The following LAMB3 variants were observed in gnomAD, a reference collection of about 807,000 sequenced individuals.
The protein encoded by LAMB3 is laminin subunit beta 3.
Under a neutral mutation model 140.3 loss-of-function variants are expected in LAMB3, and 104 were observed. That is an observed-to-expected ratio of 0.74 (90% confidence interval 0.63 to 0.87). The LOEUF is 0.87. Among genes scored for constraint, LAMB3 ranks in the 40% least tolerant of loss-of-function variants. The probability of loss-of-function intolerance (pLI) is 0.00; values close to 1 mark genes in which losing one functional copy is unlikely to be tolerated. For missense variants in LAMB3, 1,531 were observed against 1,575.2 expected (o/e 0.97, Z 0.47); for synonymous variants, 592 against 602.9 (o/e 0.98, Z 0.26).
intron 21 of LAMB3, among the ~76,000 whole-genome samples, chr1:209,616,920 C>G (rs1041300003): frequency 6.6e-6 from 1 of 152,216 alleles, no homozygotes; most frequent in Non-Finnish European, 1.5e-5. Flanking sequence ...TACTTAGCAA[C>G]TTGGTCACTG....
At chr1:209,646,760 G>C (rs549296307) in intron 3 of LAMB3, among the ~76,000 whole-genome samples, 2 of 152,248 alleles carry the variant, frequency 1.3e-5, no homozygotes, top group Non-Finnish European at 2.9e-5. Flanking sequence ...GGATAGAACA[G>C]TTTGCATCTG....
intron 3 of LAMB3, among the ~76,000 whole-genome samples, chr1:209,643,951 C>T (rs560191615): frequency 1.3e-5 from 2 of 152,320 alleles, no homozygotes; most frequent in Non-Finnish European, 2.9e-5. Context: ...CCTGCTCTAG[C>T]ACATCAGCCC....
In LAMB3 at chr1:209,615,203, A is replaced by T. The variant is rs1665906284; in HGVS notation, c.*68T>A. 1 of 1,606,822 alleles carries T rather than the reference A, an allele frequency of 6.2e-7. No individual in the cohort carries two copies. Among genetic ancestry groups the T allele is most frequent in the African/African-American group, 1.3e-5 (1 of 74,920 alleles). On this transcript the variant is annotated 3_prime_UTR_variant, in exon 23 of 23. Transcript: ENST00000356082. ...TCTCCTGGAGATGGAAAGCATTCCAACCCAATCTGCCCCCAACCAAAAGCA... is the reference window on the plus strand; with the variant it reads ...TCTCCTGGAGATGGAAAGCATTCCATCCCAATCTGCCCCCAACCAAAAGCA...
Position 209,623,388 on chromosome 1 carries a change from G to A in LAMB3, c.2358+117C>T. On this transcript the variant is annotated intron_variant, in intron 16 of 22. Coordinates refer to ENST00000356082, the MANE Select transcript of LAMB3 (RefSeq NM_000228.3). This position sits in a 1 kb window ranked among gnomAD's most constrained non-coding sequence, Gnocchi z 4.2. ...AGCAGTACAAGGGTCGGGATGGCTG[G>A]GGGAGTGGGGTTCTCACAGGGGCAG... 8.9e-7 allele frequency: 1 copy of A among 1,129,402 alleles called. No homozygotes were observed. The allele number at this position is 1,129,402 out of a possible 1,614,324, so 70.0% of individuals were successfully genotyped here. A position where few individuals can be genotyped will look rare whatever the true frequency, so the allele number is the denominator to read the frequency against.
At position 209,618,499 on chromosome 1, in the gene LAMB3, C is replaced by A; in HGVS notation, c.2862G>T (p.Gln954His). The change falls in exon 19 of 23, where the codon CAG becomes CAT. Residue 954 changes from glutamine to histidine, a missense_variant. Coordinates refer to ENST00000356082, the MANE Select transcript of LAMB3 (RefSeq NM_000228.3). The part of the protein sequence containing the change: ...NVDLVLSQTK[Q>H]DIARARRLQA... ...GCAACCGGCGGGCACGCGCAATGTC[C>A]TGCTTGGTCTGGGACAGCACCAAGT... The A allele has an allele frequency of 1.9e-6, 3 of 1,614,254 alleles. No individual in the cohort carries two copies. Among genetic ancestry groups the A allele is most frequent in the Non-Finnish European group, 2.5e-6 (3 of 1,180,050 alleles).
intron 3 of LAMB3, among the ~76,000 whole-genome samples, chr1:209,648,629 C>T (rs2076537908): frequency 6.6e-6 from 1 of 152,074 alleles, no homozygotes; most frequent in Non-Finnish European, 1.5e-5. Flanking sequence ...CAGTGTTAAG[C>T]CAAAAGCCCC....
At chr1:209,643,292 C>T (rs2076487265) in intron 3 of LAMB3, among the ~76,000 whole-genome samples, 1 of 151,420 alleles carries the variant, frequency 6.6e-6, no homozygotes, top group Non-Finnish European at 1.5e-5. Context: ...GTGTGAGAAT[C>T]TCTCATATGT....
chr1:209,623,884 C>T lies in LAMB3; in HGVS notation c.2093G>A (p.Arg698Lys). 1 of 1,614,226 alleles carries T rather than the reference C, an allele frequency of 6.2e-7. No individual in the cohort carries two copies. Among genetic ancestry groups the T allele is most frequent in the Admixed American group, 1.7e-5 (1 of 60,032 alleles). The change falls in exon 15 of 23, where the codon AGG becomes AAG. Residue 698 changes from arginine (R) to lysine (K), a missense_variant. Physicochemically the swap from Arg to Lys is conservative, Grantham distance 26 (BLOSUM62 2). Coordinates refer to ENST00000356082, the MANE Select transcript of LAMB3 (RefSeq NM_000228.3). This position sits in a 1 kb window ranked among gnomAD's most constrained non-coding sequence, Gnocchi z 4.2. ...SFNGLLTMYQ[R>K]KREQFEKISS... is the part of the protein sequence containing the mutation. Reference sequence around the variant, plus strand: ...TATTTTTTCAAACTGCTCCCTCTTCCTCTGATACATAGTAAGGAGACCATT... The same window carrying T: ...TATTTTTTCAAACTGCTCCCTCTTCTTCTGATACATAGTAAGGAGACCATT...
At position 209,617,839 on chromosome 1, in the gene LAMB3, T is replaced by C. The variant is rs989723769; in HGVS notation, c.3051+68A>G. 6 of 1,595,934 alleles carry C rather than the reference T, an allele frequency of 3.8e-6. No homozygotes were observed. In the Middle Eastern group the frequency reaches 5.0e-4, roughly 133 times the overall value. ...TTTATCTAGTCACTTTCTGGCATTT[T>C]CTATGCCTGGTGCCCAAATTTTCCT... is the stretch of plus-strand genomic sequence containing the variant. On this transcript the variant is annotated intron_variant, in intron 20 of 22. Transcript: ENST00000356082.
intron 3 of LAMB3, among the ~76,000 whole-genome samples, chr1:209,646,859 G>A (rs987035959): frequency 3.3e-5 from 5 of 152,192 alleles, no homozygotes; most frequent in South Asian, 2.1e-4. Context: ...TGAGGCCAAC[G>A]GATAGCACAG....
At chr1:209,651,239 A>C in intron 1 of LAMB3, 2 of 465,206 alleles carry the variant, frequency 4.3e-6, no homozygotes, top group Non-Finnish European at 4.0e-6. Context: ...CCTCCTCTAA[A>C]ATGGATGGGA....
rs771349331 is a variant in LAMB3, at chr1:209,625,614, T to A, written c.1976+34A>T. On this transcript the variant is annotated intron_variant, in intron 14 of 22. Coordinates refer to ENST00000356082, the MANE Select transcript of LAMB3 (RefSeq NM_000228.3). ...CGGTACTGGAACCCCTGGAGCATAATTCTTGCAAATGCTTGGCAGGGAAAG... is the reference window on the plus strand; with the variant it reads ...CGGTACTGGAACCCCTGGAGCATAAATCTTGCAAATGCTTGGCAGGGAAAG... 2 of 1,613,894 alleles carry A rather than the reference T, an allele frequency of 1.2e-6. 1 individual carries two copies. Among genetic ancestry groups the A allele is most frequent in the South Asian group, 2.2e-5 (2 of 91,086 alleles).
At chr1:209,639,672 C>G (rs1296269538) in intron 3 of LAMB3, among the ~76,000 whole-genome samples, 5 of 151,140 alleles carry the variant, frequency 3.3e-5, no homozygotes, top group Admixed American at 3.3e-4. Context: ...CACACGCACA[C>G]ACACACACAC....
chr1:209,631,456 G>C (rs887644486), intron 8 of LAMB3, among the ~76,000 whole-genome samples: 1 of 152,116 alleles, frequency 6.6e-6, no homozygotes, highest in Non-Finnish European at 1.5e-5. Flanking sequence ...CAGCTAGAAC[G>C]GCACCTCTCT....
chr1:209,616,391 C>A (rs146456804), intron 22 of LAMB3, 80 bp downstream of exon 22: 1 of 1,519,820 alleles, frequency 6.6e-7, no homozygotes, highest in Non-Finnish European at 9.1e-7. Flanking sequence ...CCAATAAGAA[C>A]GGGCTTCAGA....
Position 209,617,456 on chromosome 1 carries a change from T to C in LAMB3, c.3182A>G (p.Gln1061Arg). The C allele has an allele frequency of 6.2e-7, 1 of 1,613,386 alleles. No individual in the cohort carries two copies. Among genetic ancestry groups the C allele is most frequent in the South Asian group, 1.1e-5 (1 of 91,056 alleles). ...RQQGAEAVQA[Q>R]QLAEGASEQA... is the part of the protein sequence containing the mutation. ...CTCGCTGGCACCTTCCGCAAGCTGC[T>C]GGGCCTGGACTGCCTCTGCCCCCTG... is the stretch of plus-strand genomic sequence containing the variant. The change falls in exon 21 of 23, where the codon CAG becomes CGG. Residue 1061 changes from glutamine (Q) to arginine (R), a missense_variant. Gln to Arg is a conservative substitution (Grantham distance 43). Transcript: ENST00000356082.
intron 14 of LAMB3, 110 bp downstream of exon 14, chr1:209,625,538 T>A (rs1666403333): frequency 7.3e-7 from 1 of 1,364,586 alleles, no homozygotes; most frequent in Non-Finnish European, 1.0e-6. Context: ...ACTGTGAAAA[T>A]GCCTTTAAAC....
intron 21 of LAMB3, 28 bp downstream of exon 21, chr1:209,617,382 C>T (rs371718127): frequency 6.2e-7 from 1 of 1,610,400 alleles, no homozygotes. Context: ...GGCCGTACAT[C>T]ATTGAGCTAA....
At chr1:209,622,473 C>T in intron 18 of LAMB3, 63 bp downstream of exon 18, 3 of 1,597,444 alleles carry the variant, frequency 1.9e-6, no homozygotes, top group African/African-American at 1.3e-5. Flanking sequence ...ATGCACTGAA[C>T]ATGGGAATGC....
Sources: allele counts gnomAD v4.1 joint callset (sites outside exome capture counted in the v4.1 genomes callset), GRCh38; gene constraint gnomAD v4.1.1; non-coding constraint Gnocchi (gnomAD v3.1); transcripts MANE v1.5; gene names NCBI Gene and HGNC (gene_info 2026-07-23, HGNC 2026-07-21).